Variants in ROBO2 observed in about 807,000 individuals in gnomAD.
The protein encoded by ROBO2 is roundabout homolog 2.
ROBO2 carries 53 observed loss-of-function variants against 160.8 expected under a neutral mutation model. The observed-to-expected ratio is 0.33, with a 90% confidence interval of 0.26 to 0.41. ROBO2 has a LOEUF of 0.41. Among genes scored for constraint, ROBO2 ranks in the 10% least tolerant of loss-of-function variants. ROBO2 has a pLI of 1.00. For missense variants in ROBO2, 1,577 were observed against 1,722.4 expected (o/e 0.92, Z 1.49); for synonymous variants, 664 against 611.7 (o/e 1.09, Z -1.26).
At chr3:77,145,289 A>G (rs2077032370) in intron 2 of ROBO2, among the ~76,000 whole-genome samples, 1 of 152,170 alleles carries the variant, frequency 6.6e-6, no homozygotes, top group Admixed American at 6.5e-5. Context: ...TAAAATGAAT[A>G]TTGATTCCTG....
intron 2 of ROBO2, among the ~76,000 whole-genome samples, chr3:77,260,855 G>A (rs1488449588): frequency 6.6e-6 from 1 of 152,124 alleles, no homozygotes; most frequent in African/African-American, 2.4e-5. Flanking sequence ...CTGCCCCAGT[G>A]GGTAACCTCA....
chr3:76,696,688 C>A (rs140527657), intron 2 of ROBO2, among the ~76,000 whole-genome samples: 1 of 152,298 alleles, frequency 6.6e-6, no homozygotes, highest in East Asian at 1.9e-4. Context: ...CTCAAGGGTA[C>A]AGAGCTATGA....
At chr3:76,471,785 G>A (rs1194444198) in intron 2 of ROBO2, among the ~76,000 whole-genome samples, 1 of 152,094 alleles carries the variant, frequency 6.6e-6, no homozygotes, top group Non-Finnish European at 1.5e-5. Context: ...GAAGGCCTCA[G>A]GAAACTTACA....
chr3:77,627,721 C>T (rs1184896024), intron 23 of ROBO2, among the ~76,000 whole-genome samples: 1 of 152,258 alleles, frequency 6.6e-6, no homozygotes, highest in South Asian at 2.1e-4. Flanking sequence ...TTTGTAGCTG[C>T]AGCTTTTACT....
At chr3:77,430,212 T>C (rs1484823166) in intron 2 of ROBO2, among the ~76,000 whole-genome samples, 9 of 152,134 alleles carry the variant, frequency 5.9e-5, no homozygotes, top group African/African-American at 1.9e-4. Context: ...AAATGGTGAC[T>C]AGAAGGGTGA....
rs1010939958 is a variant in ROBO2 at position 76,341,468 on chromosome 3, G to A, written c.109+403866G>A. ...GAAAAATATGTGTTTGAAGAATTAC[G>A]TGTCTTGCAAATGTATAATATTTAC... On this transcript the variant is annotated intron_variant, in intron 2 of 26. Coordinates refer to the ROBO2 transcript ENST00000487694. Among the ~76,000 whole-genome samples the A allele has an allele frequency of 2.8e-4, 40 of 141,880 alleles. No individual in the cohort carries two copies. The East Asian group carries it at 4.8e-3, about 17-fold the overall frequency. The allele number at this position is 141,880 out of a possible 152,430, so 93.1% of individuals were successfully genotyped here. A position where few individuals can be genotyped will look rare whatever the true frequency, so the allele number is the denominator to read the frequency against.
In ROBO2 at chr3:77,500,928, T is replaced by C. The variant is rs563037069; in HGVS notation, c.806+7546T>C. Among the ~76,000 whole-genome samples, 5 of 152,278 alleles carry C rather than the reference T, an allele frequency of 3.3e-5. No individual in the cohort carries two copies. In the South Asian group the frequency reaches 1.0e-3, roughly 32 times the overall value. On this transcript the variant is annotated intron_variant, in intron 5 of 25. Coordinates refer to ENST00000461745, the Ensembl canonical transcript of ROBO2. The stretch of plus-strand genomic sequence containing the variant: ...AACAAGCTGGAACACACATGGAATA[T>C]GAAATGCCTTGAAGTCAGAGATGCT...
chr3:76,695,338 A>AT (rs1274952966), intron 2 of ROBO2, among the ~76,000 whole-genome samples: 1 of 152,168 alleles, frequency 6.6e-6, no homozygotes, highest in Admixed American at 6.5e-5. Flanking sequence ...GATCTGTCAG[A>AT]TAAACACACT....
intron 2 of ROBO2, among the ~76,000 whole-genome samples, chr3:77,254,980 G>A (rs910261650): frequency 6.6e-6 from 1 of 152,152 alleles, no homozygotes; most frequent in African/African-American, 2.4e-5. Flanking sequence ...TTTCTGAGAG[G>A]GAAACGTATT....
At chr3:76,892,012 C>G (rs938133415) in intron 2 of ROBO2, among the ~76,000 whole-genome samples, 2 of 150,108 alleles carry the variant, frequency 1.3e-5, no homozygotes, top group Non-Finnish European at 2.9e-5. Flanking sequence ...TAGGAGGTGA[C>G]CTGGGAGTTA....
At chr3:77,596,060 A>T (rs948763560) in intron 18 of ROBO2, among the ~76,000 whole-genome samples, 4 of 151,896 alleles carry the variant, frequency 2.6e-5, no homozygotes, top group Admixed American at 1.3e-4. Context: ...TATTACCTTT[A>T]AAAAAAACCC....
At chr3:76,302,060 C>A (rs1453646053) in intron 2 of ROBO2, among the ~76,000 whole-genome samples, 1 of 152,000 alleles carries the variant, frequency 6.6e-6, no homozygotes, top group Non-Finnish European at 1.5e-5. Flanking sequence ...CAGACTTTTT[C>A]ATGAGAGAAA....
At chr3:76,439,712 G>C (rs1034173413) in intron 2 of ROBO2, among the ~76,000 whole-genome samples, 1 of 152,186 alleles carries the variant, frequency 6.6e-6, no homozygotes, top group African/African-American at 2.4e-5. Context: ...GAAAGAACTA[G>C]AAAAATGTAG....
At chr3:76,325,530 A>C (rs1455390863) in intron 2 of ROBO2, among the ~76,000 whole-genome samples, 1 of 152,124 alleles carries the variant, frequency 6.6e-6, no homozygotes, top group Admixed American at 6.6e-5. Context: ...ACATACTTGT[A>C]AAATGTCAGG....
chr3:76,922,487 G>A (rs2076730696), intron 2 of ROBO2, among the ~76,000 whole-genome samples: 1 of 152,184 alleles, frequency 6.6e-6, no homozygotes. Flanking sequence ...CCAGTCCAAA[G>A]CATTCAACGG....
chr3:77,506,300 G>A (rs898065660), intron 5 of ROBO2, among the ~76,000 whole-genome samples: 1 of 152,206 alleles, frequency 6.6e-6, no homozygotes, highest in Non-Finnish European at 1.5e-5. Flanking sequence ...AATATACTGC[G>A]TGGTGTCCCA....
In ROBO2 at chr3:76,382,652, A is replaced by T. The variant is rs73840936; in HGVS notation, c.109+445050A>T. On this transcript the variant is annotated intron_variant, in intron 2 of 26. Transcript: ENST00000487694. Reference sequence around the variant, plus strand: ...TAATACAACCTAATAATCTTCTATGATTGTTCAATCTGTTAAAGAAAGGCA... The same window carrying T: ...TAATACAACCTAATAATCTTCTATGTTTGTTCAATCTGTTAAAGAAAGGCA... Among the ~76,000 whole-genome samples the T allele has an allele frequency of 3.7e-3, 560 of 152,326 alleles. 4 individuals carry two copies. Among genetic ancestry groups the T allele is most frequent in the African/African-American group, 0.013 (533 of 41,568 alleles).
chr3:76,608,290 A>C (rs2087812602), intron 2 of ROBO2, among the ~76,000 whole-genome samples: 1 of 152,176 alleles, frequency 6.6e-6, no homozygotes, highest in African/African-American at 2.4e-5. Flanking sequence ...CCATTCTGTC[A>C]GCCTTACTAT....
chr3:77,256,166 G>A (rs564638773), intron 2 of ROBO2, among the ~76,000 whole-genome samples: 62 of 152,224 alleles, frequency 4.1e-4, no homozygotes, highest in South Asian at 8.3e-4. Context: ...TTTTAATTTC[G>A]CCAGCAGAAG....
Sources: allele counts gnomAD v4.1 joint callset (sites outside exome capture counted in the v4.1 genomes callset), GRCh38; gene constraint gnomAD v4.1.1; transcripts MANE v1.5; gene names NCBI Gene and HGNC (gene_info 2026-07-23, HGNC 2026-07-21).